Variants in PLCB2 observed in about 807,000 individuals in gnomAD.
PLCB2 encodes the protein 1-phosphatidylinositol 4,5-bisphosphate phosphodiesterase beta-2.
In PLCB2, 115 loss-of-function variants were observed where a neutral mutation model predicts 141.7. That is an observed-to-expected ratio of 0.81 (90% CI 0.70 to 0.95). PLCB2 has a LOEUF of 0.95. Among genes scored for constraint, PLCB2 ranks in the 40% least tolerant of loss-of-function variants. The probability of loss-of-function intolerance (pLI) is 0.00; values close to 1 mark genes in which losing one functional copy is unlikely to be tolerated. For synonymous variants in PLCB2, 603 were observed against 595.6 expected, an observed-to-expected ratio of 1.01 and a Z score of -0.18; for missense variants, 1,403 against 1,541.1, an observed-to-expected ratio of 0.91 and a Z score of 1.50.
At position 40,288,339 on chromosome 15, in the gene PLCB2, C is replaced by A. The variant is rs2039663745; in HGVS notation, c.*376G>T. On this transcript the variant is annotated 3_prime_UTR_variant, in exon 32 of 32. Transcript: ENST00000260402. ...CTAGAGTGGAGGTGAGTGGGTCCAA[C>A]CCTCCAGGTGAGGAAACTGAGCCCA... The A allele has an allele frequency of 2.0e-6, 2 of 1,010,970 alleles. No individual in the cohort carries two copies. Among genetic ancestry groups the A allele is most frequent in the Non-Finnish European group, 2.4e-6 (2 of 846,938 alleles). 62.6% of individuals were successfully genotyped at this position (1,010,970 alleles called of 1,614,324 possible). A position where few individuals can be genotyped will look rare whatever the true frequency, so the allele number is the denominator to read the frequency against.
At chr15:40,287,851 T>C, downstream of PLCB2, 1 of 845,866 alleles carries the variant, frequency 1.2e-6, no homozygotes, top group Non-Finnish European at 1.4e-6. Flanking sequence ...TCAGGGGCAC[T>C]CCACTACCCT....
chr15:40,307,904 G>A lies in PLCB2; in HGVS notation c.-232C>T. On this transcript the variant is annotated 5_prime_UTR_variant, in exon 1 of 32. Coordinates refer to ENST00000260402, the MANE Select transcript of PLCB2 (RefSeq NM_004573.3). ...AAATCACCCTCCTCCCACCCGCCCT[G>A]CCTGCCATGGGGGCCTGTGGTCACT... is the stretch of plus-strand genomic sequence containing the variant. The A allele has an allele frequency of 2.7e-6, 1 of 367,680 alleles. No individual in the cohort carries two copies. The highest frequency in any genetic ancestry group is 4.8e-6 in the Non-Finnish European group (1 of 207,906). 22.8% of individuals were successfully genotyped at this position (367,680 alleles called of 1,614,324 possible).
downstream of PLCB2, among the ~76,000 whole-genome samples, chr15:40,284,755 G>C (rs1814567): frequency 0.35 from 50,850 of 146,324 alleles, 9,408 homozygotes; most frequent in South Asian, 0.5. Context: ...CAGGAGAATT[G>C]CTTGAACCTG....
chr15:40,290,106 GA>G, intron 29 of PLCB2, 24 bp from the exon 30 acceptor site: 1 of 1,461,958 alleles, frequency 6.8e-7, no homozygotes, highest in Non-Finnish European at 9.6e-7. Flanking sequence ...TGGAGTTTTA[GA>G]AAAGGGAGAA....
Position 40,288,712 on chromosome 15 carries a change from G to A in PLCB2, c.*3C>T, listed in dbSNP as rs922156849. On this transcript the variant is annotated 3_prime_UTR_variant, in exon 32 of 32. Coordinates refer to ENST00000260402, the MANE Select transcript of PLCB2 (RefSeq NM_004573.3). ...TGCTAAATGTCCCAGTGGGATGGGG[G>A]CATCAGAGGCGGCTCTCCTGGGCAT... The A allele has an allele frequency of 6.3e-7, 1 of 1,580,462 alleles. No homozygotes were observed. Among genetic ancestry groups the A allele is most frequent in the Non-Finnish European group, 8.6e-7 (1 of 1,156,650 alleles).
At chr15:40,286,241 C>T (rs1461798092), downstream of PLCB2, among the ~76,000 whole-genome samples, 1 of 152,064 alleles carries the variant, frequency 6.6e-6, no homozygotes, top group East Asian at 1.9e-4. Flanking sequence ...CTCACCTCCC[C>T]TCCTCTCCCC....
chr15:40,301,382 T>C, intron 7 of PLCB2: 1 of 600,118 alleles, frequency 1.7e-6, no homozygotes, highest in East Asian at 2.8e-5. Context: ...GGGCTCCTTT[T>C]TGTAATTCAC....
Position 40,297,716 on chromosome 15 carries a change from G to A in PLCB2, c.1239-111C>T. The A allele has an allele frequency of 1.0e-6, 1 of 1,002,792 alleles. No homozygotes were observed. Among genetic ancestry groups the A allele is most frequent in the Non-Finnish European group, 1.5e-6 (1 of 648,582 alleles). The allele number at this position is 1,002,792 out of a possible 1,614,324, so 62.1% of individuals were successfully genotyped here. A position where few individuals can be genotyped will look rare whatever the true frequency, so the allele number is the denominator to read the frequency against. Reference sequence around the variant, plus strand: ...CAGGGGCCAGGAGGTCAGGGAGGCTGGGACTCGAGCAGGAGAACATGAGGC... The same window carrying A: ...CAGGGGCCAGGAGGTCAGGGAGGCTAGGACTCGAGCAGGAGAACATGAGGC... On this transcript the variant is annotated intron_variant, in intron 12 of 31. Transcript: ENST00000260402. The surrounding 1 kb of genome is among the most constrained non-coding windows in gnomAD (Gnocchi z 4.2).
At chr15:40,299,023 C>A in intron 8 of PLCB2, 59 bp from the exon 9 acceptor site, 2 of 1,584,308 alleles carry the variant, frequency 1.3e-6, no homozygotes, top group African/African-American at 1.3e-5. Flanking sequence ...GCTTAGACAA[C>A]CCCCTTGTCC....
intron 20 of PLCB2, among the ~76,000 whole-genome samples, chr15:40,293,231 G>A (rs1316840998): frequency 6.6e-6 from 1 of 152,208 alleles, no homozygotes; most frequent in Non-Finnish European, 1.5e-5. Context: ...AGGGGAGGAG[G>A]GCTGGATTTG....
In PLCB2 at chr15:40,294,918, G is replaced by T. The variant is rs764652158; in HGVS notation, c.1906+18C>A. On this transcript the variant is annotated intron_variant, in intron 18 of 31. Coordinates refer to ENST00000260402, the MANE Select transcript of PLCB2 (RefSeq NM_004573.3). ...AGGGACCAGGGAAGGATTCTTAGGG[G>T]CCTGGGAATGCCCTCACCCATCGTC... is the stretch of plus-strand genomic sequence containing the variant. The T allele has an allele frequency of 2.5e-6, 4 of 1,613,874 alleles. No homozygotes were observed. Among genetic ancestry groups the T allele is most frequent in the Non-Finnish European group, 3.4e-6 (4 of 1,179,926 alleles).
Position 40,291,177 on chromosome 15 carries a change from C to A in PLCB2, c.2877G>T (p.Leu959=). 6.4e-7 allele frequency: 1 copy of A among 1,571,446 alleles called. No homozygotes were observed. The highest frequency in any genetic ancestry group is 8.6e-7 in the Non-Finnish European group (1 of 1,166,532). Residue 959 remains leucine, a synonymous_variant, in exon 27 of 32, where the codon CTG becomes CTT. Transcript: ENST00000260402. ...CGGCTCCGGCGCTCTCCTCGCGGGGCAGGCTCCTGGGGAGGCCACGTGGGG... is the reference window on the plus strand; with the variant it reads ...CGGCTCCGGCGCTCTCCTCGCGGGGAAGGCTCCTGGGGAGGCCACGTGGGG... ...PGKGSRKKRS[L]PREESAGAAP... is the part of the protein sequence containing the mutation.
Position 40,292,923 on chromosome 15 carries a change from T to A in PLCB2, c.2326+3A>T, listed in dbSNP as rs1384986509. On this transcript the variant is annotated splice_donor_region_variant and intron_variant, in intron 21 of 31. Transcript: ENST00000260402. ...TGGAACAGTGAAGGACCCCACTCCT[T>A]ACCAGAATTTAGGGCATTGATGGGG... 33 of 1,587,484 alleles carry A rather than the reference T, an allele frequency of 2.1e-5. No homozygotes were observed. The highest frequency in any genetic ancestry group is 2.8e-5 in the Non-Finnish European group (33 of 1,160,624).
In PLCB2 at chr15:40,298,828, A is replaced by G; in HGVS notation, c.820T>C (p.Tyr274His). The G allele has an allele frequency of 6.2e-7, 1 of 1,613,772 alleles. No individual in the cohort carries two copies. Among genetic ancestry groups the G allele is most frequent in the Non-Finnish European group, 8.5e-7 (1 of 1,179,958 alleles). ...PDQVQGLIDK[Y>H]EPSGINAQRG... ...TGTGCATTGATGCCACTGGGCTCAT[A>G]CTTGTCGATGAGGCCCTGCACCTGG... Residue 274 changes from tyrosine to histidine, a missense_variant, in exon 9 of 32, where the codon TAT (tyrosine) becomes CAT (histidine). By Grantham distance (83) the Tyr-to-His change is moderately conservative. Around this residue, in one of 4 missense-constraint regions of PLCB2, gnomAD observed 975 missense variants for 1,141.1 expected, o/e 0.85. Transcript: ENST00000260402.
In PLCB2 at chr15:40,288,884, C is replaced by T; in HGVS notation, c.3389G>A (p.Arg1130Lys). 6.2e-7 allele frequency: 1 copy of T among 1,613,894 alleles called. No individual in the cohort carries two copies. The highest frequency in any genetic ancestry group is 8.5e-7 in the Non-Finnish European group (1 of 1,180,012). ...QKEALAEYEARMKGLEAEVKE... is the reference protein window; with the variant it reads ...QKEALAEYEAKMKGLEAEVKE... ...CACCTCTGCCTCCAGACCCTTCATCCTGGCCTCGTACTCTGCCAGCGCCTC... is the reference window on the plus strand; with the variant it reads ...CACCTCTGCCTCCAGACCCTTCATCTTGGCCTCGTACTCTGCCAGCGCCTC... The change falls in exon 32 of 32, where the codon AGG (arginine) becomes AAG (lysine). Residue 1130 changes from arginine to lysine, a missense_variant. Physicochemically the swap from Arg to Lys is conservative, Grantham distance 26. Around this residue, in one of 4 missense-constraint regions of PLCB2, gnomAD observed 132 missense variants for 132.4 expected, o/e 1.00. Transcript: ENST00000260402.
intron 21 of PLCB2, among the ~76,000 whole-genome samples, chr15:40,292,661 A>G (rs1313314243): frequency 6.6e-6 from 1 of 152,234 alleles, no homozygotes; most frequent in East Asian, 1.9e-4. Flanking sequence ...AGAATGTATT[A>G]TAAGCCCTTA....
intron 24 of PLCB2, 53 bp downstream of exon 24, chr15:40,291,794 CTG>C (rs778657102): frequency 1.2e-6 from 2 of 1,612,760 alleles, no homozygotes; most frequent in South Asian, 2.2e-5. Context: ...AGGGAAGTGC[CTG>C]TGGGTGCAGA....
At position 40,294,391 on chromosome 15, in the gene PLCB2, A is replaced by G; in HGVS notation, c.1936T>C (p.Phe646Leu). Residue 646 changes from phenylalanine to leucine, a missense_variant, in exon 19 of 32, where the codon TTT (phenylalanine) becomes CTT (leucine). Phe to Leu is a conservative substitution (Grantham distance 22). Around this residue, in one of 4 missense-constraint regions of PLCB2, gnomAD observed 975 missense variants for 1,141.1 expected, o/e 0.85. Coordinates refer to ENST00000260402, the MANE Select transcript of PLCB2 (RefSeq NM_004573.3). The part of the protein sequence containing the change: ...DLPMQQNMAV[F>L]EFNGQSGYLL... ...TAGCCGCTCTGCCCGTTGAACTCAA[A>G]TACTGCCATGTTCTGCTGCATGGGC... 1 of 1,614,204 alleles carries G rather than the reference A, an allele frequency of 6.2e-7. No homozygotes were observed. The highest frequency in any genetic ancestry group is 1.1e-5 in the South Asian group (1 of 91,082).
chr15:40,291,390 G>A lies in PLCB2; in HGVS notation c.2745C>T (p.Arg915=). 1.3e-6 allele frequency: 2 copies of A among 1,534,230 alleles called. No individual in the cohort carries two copies. Among genetic ancestry groups the A allele is most frequent in the Non-Finnish European group, 8.7e-7 (1 of 1,145,744 alleles). The stretch of plus-strand genomic sequence containing the variant: ...GCAGCTCCTCCCAGCGCCGCGCTCC[G>A]CGCCGCTCCAACTCTCGCAGCTCCT... ...HEKELRELER[R]GARRWEELLQ... is the part of the protein sequence containing the mutation. Residue 915 remains arginine (R), a synonymous_variant, in exon 26 of 32, where the codon CGC becomes CGT. Transcript: ENST00000260402.
Sources: allele counts gnomAD v4.1 joint callset (sites outside exome capture counted in the v4.1 genomes callset), GRCh38; gene constraint gnomAD v4.1.1; regional missense constraint gnomAD v4.1.1; non-coding constraint Gnocchi (gnomAD v3.1); transcripts MANE v1.5; gene names NCBI Gene and HGNC (gene_info 2026-07-23, HGNC 2026-07-21).